The following PIH1D2 variants were observed in gnomAD, a reference collection of about 807,000 sequenced individuals.
PIH1D2 encodes the protein PIH1 domain containing 2, also known as PIH1 domain-containing protein 2.
A neutral mutation model predicts 31.2 loss-of-function variants in PIH1D2; 25 were observed. That is an observed-to-expected ratio of 0.80 (90% CI 0.58 to 1.12). The LOEUF (loss-of-function observed/expected upper bound fraction) is 1.12. PIH1D2 is among the 50% of genes most tolerant of loss of function. The pLI, the probability that PIH1D2 is intolerant of heterozygous loss-of-function variation, is 0.00. For synonymous variants in PIH1D2, 116 were observed against 119.9 expected (o/e 0.97, Z 0.21); for missense variants, 310 against 356.6 (o/e 0.87, Z 1.05).
chr11:112,072,885 A>C (rs1216566635), intron 2 of PIH1D2, 113 bp downstream of exon 2: 1 of 980,030 alleles, frequency 1.0e-6, no homozygotes, highest in African/African-American at 1.9e-5. Context: ...AAAACAAAAC[A>C]AAACAAAAAA....
In PIH1D2 at chr11:112,070,543, C is replaced by T. The variant is rs1555184413; in HGVS notation, c.706G>A (p.Glu236Lys). The T allele has an allele frequency of 1.2e-6, 2 of 1,614,112 alleles. No individual in the cohort carries two copies. Among genetic ancestry groups the T allele is most frequent in the Non-Finnish European group, 1.7e-6 (2 of 1,180,024 alleles). ...CTGTGATCATGCACAATTTTTAGTT[C>T]ATAGGCTGGCATCTTCATCTCCACC... Reference protein sequence around the residue: ...IQVEMKMPAYELKIVHDHSEK... With the variant: ...IQVEMKMPAYKLKIVHDHSEK... Residue 236 changes from glutamate to lysine, a missense_variant, in exon 5 of 6, where the codon GAA (glutamate) becomes AAA (lysine). Glu to Lys is a moderately conservative substitution (Grantham distance 56). Coordinates refer to ENST00000280350, the MANE Select transcript of PIH1D2 (RefSeq NM_138789.4).
In PIH1D2 at chr11:112,071,122, T is replaced by C. The variant is rs1248671022; in HGVS notation, c.463A>G (p.Ile155Val). ...TTCATTCTTTGAATGCTTCCTTTTA[T>C]TCTAAATTTGGTAATATGGTAAGAG... ...SHSYHITKFR[I>V]KGSIQRMKQN... is the part of the protein sequence containing the mutation. The change falls in exon 4 of 6, where the codon ATA (isoleucine) becomes GTA (valine). Residue 155 changes from isoleucine (I) to valine (V), a missense_variant. By Grantham distance (29) the Ile-to-Val change is conservative. Coordinates refer to ENST00000280350, the MANE Select transcript of PIH1D2 (RefSeq NM_138789.4). The C allele has an allele frequency of 2.5e-6, 4 of 1,613,802 alleles. No homozygotes were observed. Among genetic ancestry groups the C allele is most frequent in the Non-Finnish European group, 3.4e-6 (4 of 1,179,876 alleles).
At chr11:112,064,727 G>GA (rs587595788), downstream of PIH1D2, among the ~76,000 whole-genome samples, 65 of 152,182 alleles carry the variant, frequency 4.3e-4, no homozygotes, top group African/African-American at 1.4e-3. Context: ...ACATTAGAGA[G>GA]ATAGGAGGAA....
At chr11:112,062,702 C>T (rs142746877), downstream of PIH1D2, 2,206 of 737,002 alleles carry the variant, frequency 3.0e-3, 35 homozygotes, top group East Asian at 0.033. Flanking sequence ...TTTAAAATGC[C>T]GATTACACCC....
At chr11:112,060,158 A>ATTTTTT (rs782188808), downstream of PIH1D2, 25 of 568,644 alleles carry the variant, frequency 4.4e-5, no homozygotes, top group African/African-American at 1.8e-4. Flanking sequence ...CTGTCACGTA[A>ATTTTTT]TTTTTTTTTT....
downstream of PIH1D2, among the ~76,000 whole-genome samples, chr11:112,066,297 G>T (rs1191431220): frequency 6.6e-6 from 1 of 152,126 alleles, no homozygotes; most frequent in Non-Finnish European, 1.5e-5. Context: ...TTTCTTTAGG[G>T]GAAAAGCACT....
the PIH1D2 span, among the ~76,000 whole-genome samples, chr11:112,057,128 A>G: frequency 6.6e-6 from 1 of 152,200 alleles, no homozygotes. Context: ...CCATGCCCAT[A>G]TAAGATGGCA....
intron 5 of PIH1D2, among the ~76,000 whole-genome samples, chr11:112,069,035 G>A (rs1197066948): frequency 8.4e-6 from 1 of 119,720 alleles, no homozygotes; most frequent in East Asian, 2.5e-4. Context: ...GTCTCGCTCT[G>A]TTGCCCAGGC....
intron 2 of PIH1D2, 93 bp downstream of exon 2, chr11:112,072,905 A>T: frequency 7.8e-7 from 1 of 1,282,562 alleles, no homozygotes; most frequent in Non-Finnish European, 1.0e-6. Context: ...AAAAACAAAA[A>T]AAATTAGCAA....
chr11:112,052,598 T>A, the PIH1D2 span, among the ~76,000 whole-genome samples: 1 of 152,124 alleles, frequency 6.6e-6, no homozygotes, highest in Non-Finnish European at 1.5e-5. Context: ...AGCTTCCATG[T>A]CCTTTCTGGG....
At chr11:112,058,648 T>C (rs1479964956), downstream of PIH1D2, among the ~76,000 whole-genome samples, 1 of 151,412 alleles carries the variant, frequency 6.6e-6, no homozygotes, top group African/African-American at 2.4e-5. Flanking sequence ...TCACCTTTTT[T>C]TTTTTCTACT....
downstream of PIH1D2, chr11:112,060,064 A>G (rs1864461193): frequency 6.2e-7 from 1 of 1,612,988 alleles, no homozygotes; most frequent in Admixed American, 1.7e-5. Flanking sequence ...CATGAATTCC[A>G]GGTAGGGTAT....
At chr11:112,067,493 G>T (rs769471519), downstream of PIH1D2, among the ~76,000 whole-genome samples, 9 of 148,584 alleles carry the variant, frequency 6.1e-5, no homozygotes, top group Non-Finnish European at 1.0e-4. Context: ...GTGAAACCCC[G>T]TCTCTACTAA....
At chr11:112,068,997 T>TTG (rs1555184211) in intron 5 of PIH1D2, among the ~76,000 whole-genome samples, 8 of 128,678 alleles carry the variant, frequency 6.2e-5, no homozygotes, top group Admixed American at 1.5e-4. Flanking sequence ...TTTTTTTTTT[T>TTG]GTTTTTTTTT....
downstream of PIH1D2, among the ~76,000 whole-genome samples, chr11:112,061,730 A>G (rs782160153): frequency 3.3e-5 from 5 of 152,096 alleles, no homozygotes; most frequent in African/African-American, 7.2e-5. Flanking sequence ...GATTACAGGC[A>G]TGTACTACCA....
In PIH1D2 at chr11:112,071,062, C is replaced by G; in HGVS notation, c.523G>C (p.Asp175His). Residue 175 changes from aspartate to histidine, a missense_variant, in exon 4 of 6, where the codon GAT becomes CAT. By Grantham distance (81) the Asp-to-His change is moderately conservative. Coordinates refer to ENST00000280350, the MANE Select transcript of PIH1D2 (RefSeq NM_138789.4). The part of the protein sequence containing the change: ...NLMGIQTDSI[D>H]LREKMRRELT... ...CCCCTTCTCATTTTTTCTCTTAAAT[C>G]TATGGAATCAGTTTGGATTCCCATC... 6.2e-7 allele frequency: 1 copy of G among 1,612,894 alleles called. No individual in the cohort carries two copies. The highest frequency in any genetic ancestry group is 8.5e-7 in the Non-Finnish European group (1 of 1,179,626).
chr11:112,060,160 T>C, downstream of PIH1D2: 1 of 415,244 alleles, frequency 2.4e-6, no homozygotes, highest in East Asian at 8.5e-5. Context: ...GTCACGTAAT[T>C]TTTTTTTTTT....
the PIH1D2 span, among the ~76,000 whole-genome samples, chr11:112,057,949 T>C: frequency 6.6e-6 from 1 of 152,238 alleles, no homozygotes; most frequent in Non-Finnish European, 1.5e-5. Context: ...ATTGCACTCT[T>C]AGTAGACAAC....
downstream of PIH1D2, chr11:112,060,921 C>A: frequency 1.2e-6 from 1 of 819,124 alleles, no homozygotes; most frequent in Non-Finnish European, 1.9e-6. Flanking sequence ...GTATTCCATT[C>A]AGGCCTTTCT....
Sources: allele counts gnomAD v4.1 joint callset (sites outside exome capture counted in the v4.1 genomes callset), GRCh38; gene constraint gnomAD v4.1.1; transcripts MANE v1.5; gene names NCBI Gene and HGNC (gene_info 2026-07-23, HGNC 2026-07-21).